ZBTB11: variants seen among roughly 807,000 people sequenced by gnomAD.
ZBTB11 encodes zinc finger and BTB domain containing 11.
A neutral mutation model predicts 113.1 loss-of-function variants in ZBTB11; 68 were observed. The ratio of observed to expected loss-of-function variants is 0.60; its 90% CI spans 0.49 to 0.74. The LOEUF (loss-of-function observed/expected upper bound fraction) is 0.74, where lower values mean the gene tolerates loss of function less well. Ranked by LOEUF, ZBTB11 falls within the 30% of genes least tolerant of loss-of-function variation. ZBTB11 has a pLI of 0.00. For missense variants in ZBTB11, 1,104 were observed against 1,279.4 expected (o/e 0.86, Z 2.09); for synonymous variants, 518 against 452.6 (o/e 1.14, Z -1.83).
chr3:101,663,308 G>A (rs1304862880), intron 5 of ZBTB11, among the ~76,000 whole-genome samples: 1 of 152,150 alleles, frequency 6.6e-6, no homozygotes, highest in African/African-American at 2.4e-5. Context: ...TTGAGCTCAA[G>A]CAATCTGCCT....
At chr3:101,657,908 CAGG>C (rs1336088449) in intron 6 of ZBTB11, among the ~76,000 whole-genome samples, 1 of 152,036 alleles carries the variant, frequency 6.6e-6, no homozygotes, top group Non-Finnish European at 1.5e-5. Flanking sequence ...GTAGCTGATG[CAGG>C]AGGATTGCTT....
chr3:101,654,118 C>T (rs1382169303), intron 8 of ZBTB11, among the ~76,000 whole-genome samples: 2 of 152,012 alleles, frequency 1.3e-5, no homozygotes, highest in Non-Finnish European at 2.9e-5. Flanking sequence ...TGGCTCACTG[C>T]AACCTCCCAC....
chr3:101,664,996 G>C lies in ZBTB11; in HGVS notation c.1591C>G (p.Arg531Gly). The change falls in exon 4 of 11, where the codon CGG (arginine) becomes GGG (glycine). Residue 531 changes from arginine to glycine, a missense_variant. Transcript: ENST00000312938. ...ACTGCTGACTTGGGAACGGCTTTCC[G>C]TTTCTGCAGCTTTTTCTCCATTCCC... is the stretch of plus-strand genomic sequence containing the variant. Reference protein sequence around the residue: ...HKGMEKKLQKRKAVPKSAVQQ... With the variant: ...HKGMEKKLQKGKAVPKSAVQQ... 6.2e-7 allele frequency: 1 copy of C among 1,612,318 alleles called. No homozygotes were observed. Among genetic ancestry groups the C allele is most frequent in the Non-Finnish European group, 8.5e-7 (1 of 1,178,938 alleles).
intron 5 of ZBTB11, among the ~76,000 whole-genome samples, chr3:101,663,342 G>A (rs535913577): frequency 7.7e-4 from 118 of 152,258 alleles, no homozygotes; most frequent in African/African-American, 2.8e-3. Context: ...AAAATGTTAC[G>A]ATTATAGGTG....
intron 10 of ZBTB11, 93 bp from the exon 11 acceptor site, chr3:101,651,776 A>G (rs1936707756): frequency 2.3e-6 from 3 of 1,286,796 alleles, no homozygotes; most frequent in Non-Finnish European, 3.1e-6. Flanking sequence ...TAAAAAGTAC[A>G]GTAGCTCATA....
At chr3:101,663,003 A>G (rs1231705719) in intron 5 of ZBTB11, among the ~76,000 whole-genome samples, 2 of 151,046 alleles carry the variant, frequency 1.3e-5, no homozygotes, top group African/African-American at 4.9e-5. Context: ...GCAGTGGCAC[A>G]ATCTCGGCTC....
rs556089079 is a variant in ZBTB11, at chr3:101,672,889, C to T, written c.311-676G>A. ...TTGCACCAGTTCTCTGATCTTTGTC[C>T]CCTCTCACAAAGAACAGCAATGTCC... is the stretch of plus-strand genomic sequence containing the variant. On this transcript the variant is annotated intron_variant, in intron 1 of 10. Transcript: ENST00000312938. Among the ~76,000 whole-genome samples, 136 of 152,274 alleles carry T rather than the reference C, an allele frequency of 8.9e-4. 1 individual carries two copies. The highest frequency in any genetic ancestry group is 2.9e-3 in the African/African-American group (120 of 41,544).
At chr3:101,656,395 GAAAC>G in intron 6 of ZBTB11, 147 bp from the exon 7 acceptor site, 2 of 442,490 alleles carry the variant, frequency 4.5e-6, no homozygotes, top group Non-Finnish European at 6.4e-6. Context: ...AGTGAAAGTT[GAAAC>G]CAACTTGAAA....
chr3:101,666,116 AGCTG>A (rs1936992153), intron 3 of ZBTB11, among the ~76,000 whole-genome samples: 1 of 152,140 alleles, frequency 6.6e-6, no homozygotes, highest in Non-Finnish European at 1.5e-5. Flanking sequence ...CTCAAGAAAC[AGCTG>A]CTGGAGGATG....
In ZBTB11 at chr3:101,652,599, C is replaced by T; in HGVS notation, c.2541G>A (p.Gly847=). The T allele has an allele frequency of 6.2e-7, 1 of 1,614,154 alleles. No individual in the cohort carries two copies. Among genetic ancestry groups the T allele is most frequent in the Non-Finnish European group, 8.5e-7 (1 of 1,180,024 alleles). Residue 847 remains glycine, a synonymous_variant, in exon 10 of 11, where the codon GGG becomes GGA. Coordinates refer to ENST00000312938, the MANE Select transcript of ZBTB11 (RefSeq NM_014415.4). ...GGTTTTGCTTTGCTCTTCCTTTCTT[C>T]CCATGGGTAGCTTTCTTTACATGCC... ...FRRHVKKATH[G]KKGRAKQNLE... is the part of the protein sequence containing the mutation.
Position 101,664,982 on chromosome 3 carries a change from G to A in ZBTB11, c.1605C>T (p.Pro535=), listed in dbSNP as rs768696111. The change falls in exon 4 of 11, where the codon CCC becomes CCT. Residue 535 remains proline, a synonymous_variant. Coordinates refer to ENST00000312938, the MANE Select transcript of ZBTB11 (RefSeq NM_014415.4). ...EKKLQKRKAV[P]KSAVQQVAQK... ...ATCATACCTGTTGAACTGCTGACTT[G>A]GGAACGGCTTTCCGTTTCTGCAGCT... The A allele has an allele frequency of 4.3e-6, 7 of 1,611,282 alleles. No homozygotes were observed. The highest frequency in any genetic ancestry group is 2.7e-5 in the African/African-American group (2 of 74,752).
At chr3:101,674,201 A>T (rs1937125832) in intron 1 of ZBTB11, among the ~76,000 whole-genome samples, 1 of 152,098 alleles carries the variant, frequency 6.6e-6, no homozygotes, top group South Asian at 2.1e-4. Flanking sequence ...CTGTAGTCCC[A>T]GCTACTCCGG....
At chr3:101,652,027 G>C (rs1936713553) in intron 10 of ZBTB11, among the ~76,000 whole-genome samples, 1 of 152,034 alleles carries the variant, frequency 6.6e-6, no homozygotes, top group Non-Finnish European at 1.5e-5. Context: ...TACTTAGGAG[G>C]CTGAGGCATG....
intron 6 of ZBTB11, among the ~76,000 whole-genome samples, chr3:101,658,711 C>T (rs1337429181): frequency 6.6e-6 from 1 of 152,066 alleles, no homozygotes; most frequent in Non-Finnish European, 1.5e-5. Flanking sequence ...GGGAGCTGAG[C>T]TATGAATGAT....
chr3:101,670,836 T>C (rs1409692748), intron 3 of ZBTB11: 2 of 307,378 alleles, frequency 6.5e-6, no homozygotes, highest in East Asian at 5.8e-5. Context: ...TTTAATGTAA[T>C]AATTTTGTTG....
chr3:101,659,962 C>A lies in ZBTB11; in HGVS notation c.1867G>T (p.Asp623Tyr). The A allele has an allele frequency of 6.2e-7, 1 of 1,614,168 alleles. No individual in the cohort carries two copies. Among genetic ancestry groups the A allele is most frequent in the South Asian group, 1.1e-5 (1 of 91,076 alleles). Residue 623 changes from aspartate (D) to tyrosine (Y), a missense_variant, in exon 6 of 11, where the codon GAT becomes TAT. By Grantham distance (160) the Asp-to-Tyr change is radical. Coordinates refer to ENST00000312938, the MANE Select transcript of ZBTB11 (RefSeq NM_014415.4). ...RAHLIRHTRK[D>Y]APSSSSSNST... is the part of the protein sequence containing the mutation. ...TTGGACGAGGATGAAGAGGGTGCAT[C>A]TTTTCTGGTATGACGAATAAGATGT...
chr3:101,662,381 C>A (rs2108320989), intron 5 of ZBTB11, among the ~76,000 whole-genome samples: 1 of 152,286 alleles, frequency 6.6e-6, no homozygotes, highest in Non-Finnish European at 1.5e-5. Flanking sequence ...TCCCAGCTCT[C>A]TGGGAGGCTG....
chr3:101,660,001 C>T lies in ZBTB11; in HGVS notation c.1828G>A (p.Ala610Thr). 6.2e-7 allele frequency: 1 copy of T among 1,614,084 alleles called. No individual in the cohort carries two copies. Among genetic ancestry groups the T allele is most frequent in the Non-Finnish European group, 8.5e-7 (1 of 1,179,970 alleles). The change falls in exon 6 of 11, where the codon GCC becomes ACC. Residue 610 changes from alanine to threonine, a missense_variant. Coordinates refer to ENST00000312938, the MANE Select transcript of ZBTB11 (RefSeq NM_014415.4). ...CGAATAAGATGTGCTCGCAAAGAGG[C>T]ACTGTACTGAAACTGTTTTTTACAC... ...PLCKKQFQYS[A>T]SLRAHLIRHT...
At chr3:101,675,678 G>A (rs1278802757) in intron 1 of ZBTB11, among the ~76,000 whole-genome samples, 1 of 152,210 alleles carries the variant, frequency 6.6e-6, no homozygotes, top group East Asian at 1.9e-4. Flanking sequence ...TAACTTCAGA[G>A]CTGTATTTTT....
Sources: gnomAD v4.1 joint callset for allele counts (sites outside exome capture counted in the v4.1 genomes callset) on GRCh38, gnomAD v4.1.1 for gene constraint, MANE v1.5 for transcripts, NCBI Gene and HGNC (gene_info 2026-07-23, HGNC 2026-07-21) for gene names.